Variants in EIF3M observed in about 807,000 individuals in gnomAD.
The protein encoded by EIF3M is B5 receptor.
Under a neutral mutation model 49.7 loss-of-function variants are expected in EIF3M, and 25 were observed. That is an observed-to-expected ratio of 0.50 (90% CI 0.37 to 0.70). The LOEUF (loss-of-function observed/expected upper bound fraction) is 0.70, where lower values mean the gene tolerates loss of function less well. Among genes scored for constraint, EIF3M ranks in the 30% least tolerant of loss-of-function variants. The probability of loss-of-function intolerance (pLI) is 0.00; values close to 1 mark genes in which losing one functional copy is unlikely to be tolerated. For synonymous variants in EIF3M, 156 were observed against 149.8 expected, an observed-to-expected ratio of 1.04 and a Z score of -0.30; for missense variants, 350 against 440.0, an observed-to-expected ratio of 0.80 and a Z score of 1.83.
chr11:32,588,060 A>C (rs955666835), intron 2 of EIF3M, among the ~76,000 whole-genome samples: 1 of 152,212 alleles, frequency 6.6e-6, no homozygotes, highest in African/African-American at 2.4e-5. Flanking sequence ...TTGAAACTTT[A>C]TATACATGTA....
chr11:32,591,021 T>C (rs1457282642), intron 5 of EIF3M, among the ~76,000 whole-genome samples: 1 of 152,154 alleles, frequency 6.6e-6, no homozygotes, highest in African/African-American at 2.4e-5. Context: ...GGCTAATTTT[T>C]TGTATTTTTA....
chr11:32,587,082 T>C lies in EIF3M; in HGVS notation c.113T>C (p.Leu38Pro), dbSNP rs369863977. 14 of 1,612,876 alleles carry C rather than the reference T, an allele frequency of 8.7e-6. No homozygotes were observed. The highest frequency in any genetic ancestry group is 1.1e-5 in the Non-Finnish European group (13 of 1,179,144). The change falls in exon 2 of 11, where the codon CTT becomes CCT. Residue 38 changes from leucine to proline, a missense_variant. Coordinates refer to ENST00000531120, the MANE Select transcript of EIF3M (RefSeq NM_006360.6). ...TCAGAAGAGAACTCGGAAGGTGGAC[T>C]TCATGTTGATTTAGCTCAAATTATT... ...EISEENSEGG[L>P]HVDLAQIIEA...
intron 5 of EIF3M, chr11:32,592,700 AG>A: frequency 2.0e-6 from 1 of 508,968 alleles, no homozygotes; most frequent in Non-Finnish European, 3.9e-6. Flanking sequence ...TACCATCTCT[AG>A]TTTCAAAGCT....
chr11:32,587,149 GT>G lies in EIF3M; in HGVS notation c.175+10del. ...GTCTGAAGGAGGATGATAAAGGTTT[GT>G]TTTTAATTTTTTTCTAATATTTCCT... On this transcript the variant is annotated splice_donor_region_variant and intron_variant, in intron 2 of 10. Coordinates refer to ENST00000531120, the MANE Select transcript of EIF3M (RefSeq NM_006360.6). 1 of 1,549,606 alleles carries G rather than the reference GT, an allele frequency of 6.5e-7. No individual in the cohort carries two copies. The highest frequency in any genetic ancestry group is 8.7e-7 in the Non-Finnish European group (1 of 1,150,066).
At chr11:32,585,622 C>T (rs1854983583) in intron 1 of EIF3M, among the ~76,000 whole-genome samples, 1 of 152,108 alleles carries the variant, frequency 6.6e-6, no homozygotes, top group Non-Finnish European at 1.5e-5. Flanking sequence ...TCTGTTTCCT[C>T]CATAGAGAAG....
chr11:32,589,591 G>A lies in EIF3M; in HGVS notation c.483G>A (p.Lys161=). 1.5e-5 allele frequency: 25 copies of A among 1,614,104 alleles called. No individual in the cohort carries two copies. Among genetic ancestry groups the A allele is most frequent in the Non-Finnish European group, 2.1e-5 (25 of 1,180,024 alleles). The change falls in exon 5 of 11, where the codon AAG becomes AAA. Residue 161 remains lysine, a synonymous_variant. Transcript: ENST00000531120. ...ISDWNLTTEK[K]HTLLRLLYEA... ...ACTGGAATCTCACCACTGAAAAAAA[G>A]CACACCCTTTTAAGACTACTTTATG...
In EIF3M at chr11:32,603,071, T is replaced by TAAAG. The variant is rs1158022287; in HGVS notation, c.*674_*677dup. On this transcript the variant is annotated 3_prime_UTR_variant, in exon 11 of 11. Transcript: ENST00000531120. ...TTCGAAATTATTATACAAAAGATTT[T>TAAAG]AAAGAGTCTGTAAAGCCTCTGCAGT... The TAAAG allele has an allele frequency of 2.1e-6, 3 of 1,445,242 alleles. No homozygotes were observed. Among genetic ancestry groups the TAAAG allele is most frequent in the African/African-American group, 2.9e-5 (2 of 69,964 alleles). 89.5% of individuals were successfully genotyped at this position (1,445,242 alleles called of 1,614,324 possible). A position where few individuals can be genotyped will look rare whatever the true frequency, so the allele number is the denominator to read the frequency against.
chr11:32,585,845 T>C (rs1415528398), intron 1 of EIF3M, among the ~76,000 whole-genome samples: 1 of 85,972 alleles, frequency 1.2e-5, no homozygotes, highest in Non-Finnish European at 2.8e-5. Context: ...GCTTTGAATT[T>C]TTTTTTTTTG....
At chr11:32,585,270 T>A (rs2133191365) in intron 1 of EIF3M, among the ~76,000 whole-genome samples, 1 of 152,302 alleles carries the variant, frequency 6.6e-6, no homozygotes, top group Non-Finnish European at 1.5e-5. Flanking sequence ...AGTTGGCTGT[T>A]AGGTTAACTG....
At chr11:32,585,785 A>G (rs556663612) in intron 1 of EIF3M, among the ~76,000 whole-genome samples, 37 of 152,184 alleles carry the variant, frequency 2.4e-4, no homozygotes, top group Admixed American at 8.5e-4. Flanking sequence ...TGCAGGTTTA[A>G]TACTTTCCTG....
chr11:32,592,786 TATTA>T, intron 5 of EIF3M: 1 of 408,422 alleles, frequency 2.4e-6, no homozygotes, highest in South Asian at 1.9e-5. Context: ...TTGAGTTCAG[TATTA>T]ATTTTTTATT....
chr11:32,588,238 A>G (rs139589869), intron 2 of EIF3M, among the ~76,000 whole-genome samples: 3,585 of 151,984 alleles, frequency 0.024, 124 homozygotes, highest in African/African-American at 0.082. Flanking sequence ...AAAATACAAA[A>G]ATTAGCCGGG....
At chr11:32,589,175 A>G in intron 4 of EIF3M, 40 bp downstream of exon 4, 2 of 1,595,532 alleles carry the variant, frequency 1.3e-6, no homozygotes. Context: ...CTTATAAGAA[A>G]TGTACTTTTT....
intron 8 of EIF3M, among the ~76,000 whole-genome samples, chr11:32,597,635 A>G (rs1005616740): frequency 2.0e-5 from 3 of 152,208 alleles, no homozygotes; most frequent in Non-Finnish European, 4.4e-5. Context: ...CTTCTGGAGC[A>G]TGTTTTTAAC....
At chr11:32,589,180 CTT>C (rs375604117) in intron 4 of EIF3M, 45 bp downstream of exon 4, 606 of 1,297,324 alleles carry the variant, frequency 4.7e-4, no homozygotes, top group Middle Eastern at 1.6e-3. Flanking sequence ...AAGAAATGTA[CTT>C]TTTTTTTTTT....
intron 2 of EIF3M, among the ~76,000 whole-genome samples, chr11:32,588,304 G>T (rs1182097424): frequency 6.7e-6 from 1 of 149,890 alleles, no homozygotes; most frequent in South Asian, 2.1e-4. Context: ...CGGGAGAATC[G>T]CTTGAACCTG....
In EIF3M at chr11:32,588,920, G is replaced by C; in HGVS notation, c.315-92G>C. 5 of 1,548,082 alleles carry C rather than the reference G, an allele frequency of 3.2e-6. No individual in the cohort carries two copies. In the South Asian group the frequency reaches 4.9e-5, roughly 15 times the overall value. On this transcript the variant is annotated intron_variant, in intron 3 of 10. Coordinates refer to ENST00000531120, the MANE Select transcript of EIF3M (RefSeq NM_006360.6). ...TCCTTTGTAATATGAAGTTGTTAACGGTACCTGCCACAGGTTTGTGGTGAG... is the reference window on the plus strand; with the variant it reads ...TCCTTTGTAATATGAAGTTGTTAACCGTACCTGCCACAGGTTTGTGGTGAG...
At chr11:32,595,134 G>T in intron 7 of EIF3M, 121 bp downstream of exon 7, 1 of 800,462 alleles carries the variant, frequency 1.2e-6, no homozygotes, top group Non-Finnish European at 2.0e-6. Flanking sequence ...GAAAGATTAA[G>T]AACTATGTAT....
intron 1 of EIF3M, among the ~76,000 whole-genome samples, chr11:32,586,538 A>G (rs1386009884): frequency 2.6e-5 from 4 of 152,244 alleles, no homozygotes; most frequent in Non-Finnish European, 5.9e-5. Flanking sequence ...CAACTGATTA[A>G]CAAATGATTA....
Sources: allele counts gnomAD v4.1 joint callset (sites outside exome capture counted in the v4.1 genomes callset), GRCh38; gene constraint gnomAD v4.1.1; transcripts MANE v1.5; gene names NCBI Gene and HGNC (gene_info 2026-07-23, HGNC 2026-07-21).